USP42: variants seen among roughly 807,000 people sequenced by gnomAD.
The protein encoded by USP42 is ubiquitin carboxyl-terminal hydrolase 42.
In USP42, 23 loss-of-function variants were observed where a neutral mutation model predicts 113.0. The ratio of observed to expected loss-of-function variants is 0.20; its 90% CI spans 0.15 to 0.29. USP42 has a LOEUF of 0.29. Ranked by LOEUF, USP42 falls within the 10% of genes least tolerant of loss-of-function variation. The pLI is 1.00. For missense variants in USP42, 2,174 were observed against 1,779.8 expected (o/e 1.22, Z -3.99); for synonymous variants, 933 against 699.0 (o/e 1.33, Z -5.28).
intron 3 of USP42, among the ~76,000 whole-genome samples, chr7:6,131,887 A>G (rs988325060): frequency 1.3e-4 from 20 of 152,168 alleles, no homozygotes; most frequent in Admixed American, 1.3e-3. Flanking sequence ...TGCAAGTCTC[A>G]TGTTTGTTTT....
At chr7:6,105,323 G>A (rs1304338421) in intron 1 of USP42, among the ~76,000 whole-genome samples, 1 of 147,822 alleles carries the variant, frequency 6.8e-6, no homozygotes, top group African/African-American at 2.4e-5. Flanking sequence ...GGGCCCCCCT[G>A]GTTGCCATGG....
At position 6,154,590 on chromosome 7, in the gene USP42, C is replaced by G; in HGVS notation, c.3036C>G (p.Arg1012=). Residue 1012 remains arginine, a synonymous_variant, in exon 15 of 18, where the codon CGC becomes CGG. Transcript: ENST00000306177. ...ACAGGCTCAGCCCTGGCGAGCGCCG[C>G]TCTCTGGGCAGGTGCAGTCACCACC... ...HGDRLSPGER[R]SLGRCSHHHS... is the part of the protein sequence containing the mutation. 1.9e-6 allele frequency: 3 copies of G among 1,574,720 alleles called. No individual in the cohort carries two copies. Among genetic ancestry groups the G allele is most frequent in the East Asian group, 2.4e-5 (1 of 42,444 alleles).
chr7:6,090,130 G>A, the USP42 span, among the ~76,000 whole-genome samples: 3 of 147,320 alleles, frequency 2.0e-5, 1 homozygote, highest in African/African-American at 7.8e-5. Context: ...AGAAACCCCC[G>A]CCTCTACTAA....
chr7:6,114,723 C>G (rs76227497), intron 2 of USP42, among the ~76,000 whole-genome samples: 16,866 of 113,984 alleles, frequency 0.15, 1,385 homozygotes, highest in Middle Eastern at 0.24. Flanking sequence ...GAGTCTCTCG[C>G]TCTGTCTCCC....
chr7:6,136,590 A>G (rs1472528443), intron 4 of USP42, among the ~76,000 whole-genome samples: 1 of 152,164 alleles, frequency 6.6e-6, no homozygotes, highest in African/African-American at 2.4e-5. Context: ...ATGCTGAGTA[A>G]TACTAATTCT....
In USP42 at chr7:6,111,356, T is replaced by C. The variant is rs200829371; in HGVS notation, c.223T>C (p.Ser75Pro). The change falls in exon 2 of 18, where the codon TCA (serine) becomes CCA (proline). Residue 75 changes from serine to proline, a missense_variant. By Grantham distance (74) the Ser-to-Pro change is moderately conservative (BLOSUM62 -1). Coordinates refer to ENST00000306177, the MANE Select transcript of USP42 (RefSeq NM_032172.3). ...ATCTGTACCTGATAAATCAAAACCA[T>C]CACCACAAAAGGATCAAGGTACTGT... ...SSSVPDKSKP[S>P]PQKDQALGDG... The C allele has an allele frequency of 1.2e-6, 2 of 1,611,810 alleles. No homozygotes were observed. The highest frequency in any genetic ancestry group is 1.7e-6 in the Non-Finnish European group (2 of 1,178,908).
At chr7:6,141,208 T>C (rs1376263228) in intron 7 of USP42, among the ~76,000 whole-genome samples, 2 of 147,090 alleles carry the variant, frequency 1.4e-5, no homozygotes, top group East Asian at 3.9e-4. Flanking sequence ...TTTCTTTTTT[T>C]TTTTTTTTTT....
At chr7:6,140,076 T>C in intron 5 of USP42, 52 bp from the exon 6 acceptor site, 1 of 1,500,986 alleles carries the variant, frequency 6.7e-7, no homozygotes, top group Non-Finnish European at 9.3e-7. Context: ...GGTCACAGCA[T>C]CTGGAGTTTT....
intron 14 of USP42, 51 bp downstream of exon 14, chr7:6,150,557 A>C: frequency 6.7e-7 from 1 of 1,482,012 alleles, no homozygotes. Context: ...TAGGAAATCC[A>C]GTAGCCTCCA....
intron 1 of USP42, among the ~76,000 whole-genome samples, chr7:6,107,409 C>CT (rs774259719): frequency 0.094 from 12,305 of 130,750 alleles, 726 homozygotes; most frequent in Non-Finnish European, 0.13. Flanking sequence ...TCTTCCTTTT[C>CT]TTTTTTTTTT....
upstream of USP42, among the ~76,000 whole-genome samples, chr7:6,103,811 T>C (rs1779095783): frequency 1.3e-5 from 2 of 150,702 alleles, no homozygotes; most frequent in African/African-American, 2.5e-5. Flanking sequence ...CCCAACACTT[T>C]GGGAAGCCAC....
chr7:6,086,998 G>T, the USP42 span, among the ~76,000 whole-genome samples: 1 of 150,032 alleles, frequency 6.7e-6, no homozygotes, highest in Admixed American at 6.6e-5. Flanking sequence ...AAAGAGCTGG[G>T]ATTACAGATG....
At chr7:6,137,179 T>C (rs1260997405) in intron 4 of USP42, among the ~76,000 whole-genome samples, 2 of 152,216 alleles carry the variant, frequency 1.3e-5, no homozygotes, top group African/African-American at 2.4e-5. Flanking sequence ...TGTGTAATTA[T>C]ACAGTAACAA....
chr7:6,139,995 A>G lies in USP42; in HGVS notation c.657-133A>G. 1.1e-6 allele frequency: 1 copy of G among 878,256 alleles called. No individual in the cohort carries two copies. The highest frequency in any genetic ancestry group is 1.9e-6 in the Non-Finnish European group (1 of 521,638). 54.4% of individuals were successfully genotyped at this position (878,256 alleles called of 1,614,324 possible). ...ATGCTCTTGGGCTGCCACACGTGCC[A>G]TCCTTTTATTTTCCATGGCTGTCCT... On this transcript the variant is annotated intron_variant, in intron 5 of 17. Coordinates refer to ENST00000306177, the MANE Select transcript of USP42 (RefSeq NM_032172.3). This position sits in a 1 kb window ranked among gnomAD's most constrained non-coding sequence, Gnocchi z 4.5.
rs1219273399 is a variant in USP42, at chr7:6,154,179, C to T, written c.2625C>T (p.Pro875=). Reference sequence around the variant, plus strand: ...GCGAGCAGCCACTCCTTGTTCACCCCAGCGGGGACCACGCCCGGGACGCTC... The same window carrying T: ...GCGAGCAGCCACTCCTTGTTCACCCTAGCGGGGACCACGCCCGGGACGCTC... The part of the protein sequence containing the change: ...EPCEQPLLVH[P]SGDHARDAQD... Residue 875 remains proline, a synonymous_variant, in exon 15 of 18, where the codon CCC becomes CCT. Coordinates refer to ENST00000306177, the MANE Select transcript of USP42 (RefSeq NM_032172.3). The T allele has an allele frequency of 1.3e-6, 2 of 1,599,748 alleles. No individual in the cohort carries two copies. Among genetic ancestry groups the T allele is most frequent in the Admixed American group, 3.4e-5 (2 of 59,534 alleles).
At chr7:6,114,555 A>G (rs1311887004) in intron 2 of USP42, among the ~76,000 whole-genome samples, 1 of 150,272 alleles carries the variant, frequency 6.7e-6, no homozygotes, top group Non-Finnish European at 1.5e-5. Flanking sequence ...TATTTACATG[A>G]AACAGTCATT....
chr7:6,154,991 A>G lies in USP42; in HGVS notation c.3437A>G (p.Asn1146Ser), dbSNP rs1177345669. ...GCACTTGTAGCCGGAGACAACTGTA[A>G]CCTCTCTGATCGGTTTCACGAACAC... is the stretch of plus-strand genomic sequence containing the variant. ...RTALVAGDNCNLSDRFHEHEN... is the reference protein window; with the variant it reads ...RTALVAGDNCSLSDRFHEHEN... The change falls in exon 15 of 18, where the codon AAC becomes AGC. Residue 1146 changes from asparagine to serine, a missense_variant. Coordinates refer to ENST00000306177, the MANE Select transcript of USP42 (RefSeq NM_032172.3). 6.4e-7 allele frequency: 1 copy of G among 1,564,000 alleles called. No individual in the cohort carries two copies. The highest frequency in any genetic ancestry group is 1.2e-5 in the South Asian group (1 of 84,778).
chr7:6,120,484 C>T (rs910650665), intron 3 of USP42, among the ~76,000 whole-genome samples: 1 of 152,152 alleles, frequency 6.6e-6, no homozygotes, highest in Admixed American at 6.5e-5. Context: ...CTCAAGTGAT[C>T]TGCCCGACTC....
chr7:6,159,582 G>C lies in USP42; in HGVS notation c.*36+89G>C. 7.3e-7 allele frequency: 1 copy of C among 1,362,736 alleles called. No homozygotes were observed. The highest frequency in any genetic ancestry group is 1.0e-6 in the Non-Finnish European group (1 of 970,936). 84.4% of individuals were successfully genotyped at this position (1,362,736 alleles called of 1,614,324 possible). Reference sequence around the variant, plus strand: ...GAGTTTTAATTCTGCGGCTCTGCCTGGGGGCTGGGCTCATAGGAGTTGGCA... The same window carrying C: ...GAGTTTTAATTCTGCGGCTCTGCCTCGGGGCTGGGCTCATAGGAGTTGGCA... On this transcript the variant is annotated intron_variant, in intron 17 of 17. Coordinates refer to ENST00000306177, the MANE Select transcript of USP42 (RefSeq NM_032172.3). This position sits in a 1 kb window ranked among gnomAD's most constrained non-coding sequence, Gnocchi z 4.1.
Sources: allele counts gnomAD v4.1 joint callset (sites outside exome capture counted in the v4.1 genomes callset), GRCh38; gene constraint gnomAD v4.1.1; non-coding constraint Gnocchi (gnomAD v3.1); transcripts MANE v1.5; gene names NCBI Gene and HGNC (gene_info 2026-07-23, HGNC 2026-07-21).